The following SLCO2B1 variants were observed in gnomAD, a reference collection of about 807,000 sequenced individuals.
The protein encoded by SLCO2B1 is solute carrier organic anion transporter family member 2B1, also known as OATP-RP2.
In SLCO2B1, 41 loss-of-function variants were observed where a neutral mutation model predicts 67.3. The observed-to-expected ratio is 0.61, with a 90% confidence interval of 0.47 to 0.79. The LOEUF (loss-of-function observed/expected upper bound fraction) is 0.79, where lower values mean the gene tolerates loss of function less well. SLCO2B1 is among the 30% of genes least tolerant of loss of function. The pLI, the probability that SLCO2B1 is intolerant of heterozygous loss-of-function variation, is 0.00. For synonymous variants in SLCO2B1, 379 were observed against 381.4 expected (o/e 0.99, Z 0.07); for missense variants, 837 against 920.1 (o/e 0.91, Z 1.17).
rs930239811 is a variant in SLCO2B1, at chr11:75,193,355, A to G, written c.1213A>G (p.Thr405Ala). The change falls in exon 9 of 14, where the codon ACA (threonine) becomes GCA (alanine). Residue 405 changes from threonine to alanine, a missense_variant. Physicochemically the swap from Thr to Ala is moderately conservative, Grantham distance 58 (BLOSUM62 0). Coordinates refer to ENST00000289575, the MANE Select transcript of SLCO2B1 (RefSeq NM_007256.5). This position sits in a 1 kb window ranked among gnomAD's most constrained non-coding sequence, Gnocchi z 4.2. ...GTTCCTGGAGCGCCAGTTTTCCATC[A>G]CAGCCTCCTACGCCAACCTGCTCAT... ...PKFLERQFSI[T>A]ASYANLLIGC... is the part of the protein sequence containing the mutation. The G allele has an allele frequency of 5.6e-6, 9 of 1,614,100 alleles. No homozygotes were observed. The highest frequency in any genetic ancestry group is 7.6e-6 in the Non-Finnish European group (9 of 1,180,010).
At chr11:75,179,447 G>A (rs1950068733) in intron 7 of SLCO2B1, among the ~76,000 whole-genome samples, 1 of 151,730 alleles carries the variant, frequency 6.6e-6, no homozygotes, top group Admixed American at 6.6e-5. Flanking sequence ...GGCCAGGCTG[G>A]TCCCCAACTC....
intron 7 of SLCO2B1, among the ~76,000 whole-genome samples, chr11:75,182,648 A>G (rs1950104406): frequency 6.6e-6 from 1 of 152,120 alleles, no homozygotes; most frequent in Non-Finnish European, 1.5e-5. Context: ...AGGCTGAGAC[A>G]GGAGAATTGC....
chr11:75,161,573 G>C (rs988338058), intron 1 of SLCO2B1, among the ~76,000 whole-genome samples: 3 of 152,198 alleles, frequency 2.0e-5, no homozygotes, highest in African/African-American at 7.2e-5. Flanking sequence ...TGGAGATAGA[G>C]TGAGAGTCCC....
At chr11:75,182,571 A>T (rs1676883) in intron 7 of SLCO2B1, among the ~76,000 whole-genome samples, 94 of 152,080 alleles carry the variant, frequency 6.2e-4, no homozygotes, top group African/African-American at 1.5e-3. Context: ...GGTGAAACCC[A>T]GTCTCTACTA....
At chr11:75,187,626 G>C (rs914792043) in intron 7 of SLCO2B1, among the ~76,000 whole-genome samples, 14 of 152,162 alleles carry the variant, frequency 9.2e-5, no homozygotes, top group Admixed American at 9.2e-4. Flanking sequence ...TCATCATCAT[G>C]GTGGTAGTGA....
At position 75,204,346 on chromosome 11, in the gene SLCO2B1, T is replaced by C. The variant is rs560417561; in HGVS notation, c.1950-54T>C. The stretch of plus-strand genomic sequence containing the variant: ...TCACAATGAGTGATGACTGCTGACG[T>C]CCATGCCCTGGCCTGGCAGCTCTTG... On this transcript the variant is annotated intron_variant, in intron 13 of 13. Coordinates refer to ENST00000289575, the MANE Select transcript of SLCO2B1 (RefSeq NM_007256.5). 4.6e-6 allele frequency: 7 copies of C among 1,521,128 alleles called. No individual in the cohort carries two copies. The East Asian group carries it at 1.4e-4, about 30-fold the overall frequency. 94.2% of individuals were successfully genotyped at this position (1,521,128 alleles called of 1,614,324 possible).
intron 7 of SLCO2B1, among the ~76,000 whole-genome samples, chr11:75,176,975 G>A (rs1035611077): frequency 1.3e-5 from 2 of 152,208 alleles, no homozygotes; most frequent in South Asian, 2.1e-4. Flanking sequence ...AGGTCCTGGC[G>A]CCAGAGGGCT....
At chr11:75,160,297 G>A (rs1949802361) in intron 1 of SLCO2B1, among the ~76,000 whole-genome samples, 1 of 152,242 alleles carries the variant, frequency 6.6e-6, no homozygotes, top group African/African-American at 2.4e-5. Context: ...GGAGCATTGA[G>A]TGATGTTGAG....
chr11:75,177,533 G>A (rs560102101), intron 7 of SLCO2B1, among the ~76,000 whole-genome samples: 7 of 152,278 alleles, frequency 4.6e-5, no homozygotes, highest in South Asian at 4.1e-4. Flanking sequence ...GAAAAGACCC[G>A]GAGTGAGCAA....
intron 7 of SLCO2B1, among the ~76,000 whole-genome samples, chr11:75,179,295 G>A (rs905069048): frequency 1.5e-5 from 2 of 137,754 alleles, no homozygotes; most frequent in Non-Finnish European, 3.1e-5. Flanking sequence ...ACAGTGGTGC[G>A]ATCTTGGCTC....
rs747323622 is a variant in SLCO2B1 at position 75,164,076 on chromosome 11, G to A, written c.261G>A (p.Ser87=). ...EKRFGLSSQT[S]GLLASFNEVG... ...GCTTCGGCCTCTCCAGCCAGACGTC[G>A]GGGCTGCTGGCCTCCTTCAACGAGG... The change falls in exon 3 of 14, where the codon TCG becomes TCA. Residue 87 remains serine (S), a synonymous_variant. Coordinates refer to ENST00000289575, the MANE Select transcript of SLCO2B1 (RefSeq NM_007256.5). The A allele has an allele frequency of 3.7e-5, 59 of 1,608,242 alleles. No homozygotes were observed. The highest frequency in any genetic ancestry group is 2.3e-4 in the South Asian group (21 of 89,722).
intron 8 of SLCO2B1, among the ~76,000 whole-genome samples, chr11:75,188,669 T>C (rs1944974454): frequency 6.6e-6 from 1 of 152,146 alleles, no homozygotes; most frequent in Admixed American, 6.5e-5. Flanking sequence ...GAGGTTGCAG[T>C]GAGCCAAGAT....
At chr11:75,202,741 G>A (rs949695583) in intron 11 of SLCO2B1, 160 bp from the exon 12 acceptor site, 18 of 673,094 alleles carry the variant, frequency 2.7e-5, no homozygotes, top group South Asian at 1.4e-4. Flanking sequence ...AAAAGGATGG[G>A]GTACGTCCCT....
rs770592117 is a variant in SLCO2B1 at position 75,162,744 on chromosome 11, G to C, written c.106G>C (p.Asp36His). 1 of 1,614,068 alleles carries C rather than the reference G, an allele frequency of 6.2e-7. No homozygotes were observed. Among genetic ancestry groups the C allele is most frequent in the South Asian group, 1.1e-5 (1 of 91,070 alleles). Residue 36 changes from aspartate to histidine, a missense_variant, in exon 2 of 14, where the codon GAC (aspartate) becomes CAC (histidine). Asp to His is a moderately conservative substitution (Grantham distance 81). Transcript: ENST00000289575. The stretch of plus-strand genomic sequence containing the variant: ...CACACCTGGAGGCAAAGCCAGCCCA[G>C]ACCCTCAGGACGTGCGGCCAAGTGT... ...ENTPGGKASP[D>H]PQDVRPSVFH...
At chr11:75,157,633 G>T (rs896779424) in intron 1 of SLCO2B1, among the ~76,000 whole-genome samples, 8 of 152,108 alleles carry the variant, frequency 5.3e-5, no homozygotes, top group African/African-American at 7.2e-5. Context: ...GGAAAAGAGA[G>T]CAAGGGCCAC....
At chr11:75,159,130 C>T (rs537957663) in intron 1 of SLCO2B1, among the ~76,000 whole-genome samples, 4 of 152,366 alleles carry the variant, frequency 2.6e-5, no homozygotes, top group African/African-American at 9.6e-5. Context: ...ACGGCCTGAA[C>T]GGACAGCTCT....
intron 9 of SLCO2B1, chr11:75,196,209 C>T (rs949635611): frequency 6.8e-6 from 2 of 295,454 alleles, no homozygotes; most frequent in African/African-American, 4.4e-5. Flanking sequence ...AAAGATACTC[C>T]TCATCTGACA....
chr11:75,176,846 A>G (rs1345844301), intron 7 of SLCO2B1, among the ~76,000 whole-genome samples: 1 of 152,170 alleles, frequency 6.6e-6, no homozygotes, highest in Non-Finnish European at 1.5e-5. Flanking sequence ...TCCACTTTGC[A>G]GGCACAGCGT....
chr11:75,192,849 C>A (rs114247910), intron 8 of SLCO2B1, among the ~76,000 whole-genome samples: 1,581 of 152,186 alleles, frequency 0.01, 28 homozygotes, highest in African/African-American at 0.036. Flanking sequence ...GGTTCGAGAG[C>A]AGCTTAGCCA....
Sources: gnomAD v4.1 joint callset for allele counts (sites outside exome capture counted in the v4.1 genomes callset) on GRCh38, gnomAD v4.1.1 for gene constraint, Gnocchi (gnomAD v3.1) non-coding constraint, MANE v1.5 for transcripts, NCBI Gene and HGNC (gene_info 2026-07-23, HGNC 2026-07-21) for gene names.